CSMD1: variants seen among roughly 807,000 people sequenced by gnomAD.
CSMD1 encodes the protein CUB and sushi domain-containing protein 1.
Under a neutral mutation model 417.5 loss-of-function variants are expected in CSMD1, and 213 were observed. That is an observed-to-expected ratio of 0.51 (90% CI 0.46 to 0.57). The LOEUF (loss-of-function observed/expected upper bound fraction) is 0.57, where lower values mean the gene tolerates loss of function less well. Among genes scored for constraint, CSMD1 ranks in the 20% least tolerant of loss-of-function variants. CSMD1 has a pLI of 0.00. For missense variants in CSMD1, 6,923 were observed against 4,529.7 expected (o/e 1.53, Z -15.17); for synonymous variants, 2,862 against 1,736.8 (o/e 1.65, Z -16.11).
At chr8:4,580,424 G>C (rs752115444) in intron 2 of CSMD1, among the ~76,000 whole-genome samples, 1 of 152,094 alleles carries the variant, frequency 6.6e-6, no homozygotes, top group Non-Finnish European at 1.5e-5. Flanking sequence ...GATATTAAAA[G>C]CATAAAAAAA....
chr8:4,671,258 G>C (rs536368996), intron 1 of CSMD1, among the ~76,000 whole-genome samples: 3 of 152,068 alleles, frequency 2.0e-5, no homozygotes, highest in African/African-American at 7.2e-5. Context: ...TAATTTCTTG[G>C]TGACTATTAG....
intron 7 of CSMD1, among the ~76,000 whole-genome samples, chr8:3,648,900 T>A (rs990005635): frequency 6.6e-6 from 1 of 152,348 alleles, no homozygotes; most frequent in African/African-American, 2.4e-5. Context: ...TGTTTTCTAT[T>A]TAAATGACCA....
At chr8:3,188,288 C>A (rs1210925732) in intron 35 of CSMD1, among the ~76,000 whole-genome samples, 3 of 126,164 alleles carry the variant, frequency 2.4e-5, no homozygotes, top group Non-Finnish European at 3.4e-5. Context: ...ATTTATTTTT[C>A]TTTTTCTTTT....
intron 3 of CSMD1, among the ~76,000 whole-genome samples, chr8:4,111,373 T>C (rs1017451973): frequency 1.3e-5 from 2 of 152,166 alleles, no homozygotes; most frequent in African/African-American, 4.8e-5. Context: ...GAAATACACA[T>C]GGAAATAAAC....
intron 3 of CSMD1, among the ~76,000 whole-genome samples, chr8:4,291,111 A>T (rs946154122): frequency 6.6e-6 from 1 of 152,170 alleles, no homozygotes; most frequent in Non-Finnish European, 1.5e-5. Context: ...CAACTTCTAA[A>T]TGTTTCTATG....
intron 12 of CSMD1, among the ~76,000 whole-genome samples, chr8:3,423,886 GT>G: frequency 6.6e-6 from 1 of 152,222 alleles, no homozygotes. Context: ...AGCTGCTTGT[GT>G]TTAGACAAAT....
intron 1 of CSMD1, among the ~76,000 whole-genome samples, chr8:4,802,018 A>C (rs1275751646): frequency 6.6e-6 from 1 of 152,214 alleles, no homozygotes; most frequent in Non-Finnish European, 1.5e-5. Context: ...TCCCTGGTGT[A>C]GACAGACCAT....
chr8:3,731,326 G>A (rs1237659992), intron 6 of CSMD1, among the ~76,000 whole-genome samples: 1 of 152,132 alleles, frequency 6.6e-6, no homozygotes, highest in East Asian at 1.9e-4. Flanking sequence ...TGCCTCTCTT[G>A]AAAGAAAGAG....
chr8:4,409,791 G>T (rs545629189), intron 3 of CSMD1, among the ~76,000 whole-genome samples: 3 of 151,948 alleles, frequency 2.0e-5, no homozygotes, highest in African/African-American at 7.2e-5. Flanking sequence ...TACATAATTT[G>T]GAAGAAATAA....
At chr8:3,711,298 C>T (rs1295172723) in intron 6 of CSMD1, among the ~76,000 whole-genome samples, 1 of 152,140 alleles carries the variant, frequency 6.6e-6, no homozygotes, top group East Asian at 1.9e-4. Flanking sequence ...CACAGGGATC[C>T]TGGCATTGAC....
chr8:4,099,926 C>A (rs1317138335), intron 3 of CSMD1, among the ~76,000 whole-genome samples: 1 of 152,106 alleles, frequency 6.6e-6, no homozygotes, highest in African/African-American at 2.4e-5. Flanking sequence ...AAAAAATCAA[C>A]AACAACAACA....
chr8:3,339,781 G>A (rs936978079), intron 23 of CSMD1, among the ~76,000 whole-genome samples: 12 of 152,072 alleles, frequency 7.9e-5, no homozygotes, highest in African/African-American at 1.2e-4. Flanking sequence ...TGTAAGGTGC[G>A]AAGAAGTACA....
At chr8:4,206,799 A>T (rs913603340) in intron 3 of CSMD1, among the ~76,000 whole-genome samples, 1 of 152,154 alleles carries the variant, frequency 6.6e-6, no homozygotes, top group Non-Finnish European at 1.5e-5. Context: ...TTATATAAAG[A>T]TTGTTCTAAT....
intron 5 of CSMD1, among the ~76,000 whole-genome samples, chr8:3,803,851 G>C (rs924806158): frequency 6.6e-5 from 10 of 152,204 alleles, no homozygotes; most frequent in Non-Finnish European, 1.3e-4. Context: ...TGGCAAAGAG[G>C]TGTGAAGCTA....
intron 26 of CSMD1, among the ~76,000 whole-genome samples, chr8:3,277,469 G>T (rs1236050113): frequency 6.6e-6 from 1 of 152,092 alleles, no homozygotes; most frequent in South Asian, 2.1e-4. Context: ...ATTGGATTTT[G>T]GATCTATTTT....
chr8:4,146,194 A>T (rs1804110139), intron 3 of CSMD1, among the ~76,000 whole-genome samples: 1 of 151,068 alleles, frequency 6.6e-6, no homozygotes, highest in East Asian at 1.9e-4. Context: ...CGATTCTCAA[A>T]AAAAGGGTGA....
chr8:4,971,272 T>A (rs562005444), intron 1 of CSMD1, among the ~76,000 whole-genome samples: 2 of 152,112 alleles, frequency 1.3e-5, no homozygotes, highest in Admixed American at 6.6e-5. Flanking sequence ...AAGCCTCTTA[T>A]AAATGCTCTC....
intron 5 of CSMD1, among the ~76,000 whole-genome samples, chr8:3,815,554 T>G (rs980104707): frequency 1.3e-5 from 2 of 151,940 alleles, no homozygotes; most frequent in Non-Finnish European, 2.9e-5. Flanking sequence ...AAACTGTGCT[T>G]TTGAAAAAAT....
chr8:4,139,293 C>T (rs1010196385), intron 3 of CSMD1, among the ~76,000 whole-genome samples: 4 of 152,192 alleles, frequency 2.6e-5, no homozygotes, highest in African/African-American at 9.7e-5. Context: ...CACCCTGTGT[C>T]TTACAGCTGT....
Sources: allele counts gnomAD v4.1 joint callset (sites outside exome capture counted in the v4.1 genomes callset), GRCh38; gene constraint gnomAD v4.1.1; transcripts MANE v1.5; gene names NCBI Gene and HGNC (gene_info 2026-07-23, HGNC 2026-07-21).